Variants in NPM1 observed in about 807,000 individuals in gnomAD.
The protein encoded by NPM1 is nucleophosmin 1.
Under a neutral mutation model 44.1 loss-of-function variants are expected in NPM1, and 1 was observed. The ratio of observed to expected loss-of-function variants is 0.02; its 90% CI spans 0.01 to 0.11. The LOEUF (loss-of-function observed/expected upper bound fraction) is 0.11, where lower values mean the gene tolerates loss of function less well. NPM1 is among the 10% of genes least tolerant of loss of function. NPM1 has a pLI of 1.00. For synonymous variants in NPM1, 126 were observed against 111.8 expected (o/e 1.13, Z -0.80); for missense variants, 197 against 347.8 (o/e 0.57, Z 3.45).
intron 10 of NPM1, among the ~76,000 whole-genome samples, chr5:171,408,370 G>A (rs1424688034): frequency 1.3e-5 from 2 of 152,178 alleles, no homozygotes; most frequent in African/African-American, 4.8e-5. Context: ...TAAGGACAAT[G>A]TAAAAGTGGT....
rs572300584 is a variant in NPM1 at position 171,391,478 on chromosome 5, G to T, written c.258+54G>T. Reference sequence around the variant, plus strand: ...GTGTCAAGGTTTAATTCTGTTTTAAGGTAGGTTTGGTGTCATTTAGTTGTG... The same window carrying T: ...GTGTCAAGGTTTAATTCTGTTTTAATGTAGGTTTGGTGTCATTTAGTTGTG... On this transcript the variant is annotated intron_variant, in intron 3 of 10. Coordinates refer to ENST00000296930, the MANE Select transcript of NPM1 (RefSeq NM_002520.7). The T allele has an allele frequency of 3.8e-6, 6 of 1,594,066 alleles. No homozygotes were observed. In the East Asian group the frequency reaches 8.9e-5, roughly 24 times the overall value.
At chr5:171,397,942 C>G (rs1000206771) in intron 6 of NPM1, among the ~76,000 whole-genome samples, 3 of 151,288 alleles carry the variant, frequency 2.0e-5, no homozygotes, top group African/African-American at 4.9e-5. Context: ...GGCACCCCCC[C>G]CACCACGCCC....
At chr5:171,403,669 G>C (rs1362891378) in intron 8 of NPM1, among the ~76,000 whole-genome samples, 1 of 144,194 alleles carries the variant, frequency 6.9e-6, no homozygotes, top group African/African-American at 2.5e-5. Flanking sequence ...CGGACGGGGC[G>C]GCTGGCCAGG....
At chr5:171,387,847 T>G (rs1376806870), upstream of NPM1, 1 of 1,110,680 alleles carries the variant, frequency 9.0e-7, no homozygotes, top group Non-Finnish European at 1.4e-6. Context: ...GGAGCCTGCG[T>G]CCTTTCCCTG....
intron 8 of NPM1, among the ~76,000 whole-genome samples, chr5:171,401,946 T>A (rs1445150569): frequency 1.3e-5 from 2 of 151,960 alleles, no homozygotes; most frequent in African/African-American, 4.8e-5. Context: ...GGAACCCCAG[T>A]ACTTGTGCTC....
At chr5:171,391,962 G>T (rs1043155496) in intron 4 of NPM1, among the ~76,000 whole-genome samples, 163 bp downstream of exon 4, 2 of 126,730 alleles carry the variant, frequency 1.6e-5, no homozygotes, top group Admixed American at 1.5e-4. Flanking sequence ...TGGGGCGGGG[G>T]GGAGAGGAAA....
chr5:171,401,346 G>A (rs577488588), intron 8 of NPM1, among the ~76,000 whole-genome samples: 65 of 149,652 alleles, frequency 4.3e-4, no homozygotes, highest in Admixed American at 8.7e-4. Context: ...GCGAGACTCC[G>A]CCTCCAAAAA....
chr5:171,405,820 T>C (rs1167212722), intron 9 of NPM1: 1 of 205,640 alleles, frequency 4.9e-6, no homozygotes, highest in Non-Finnish European at 9.6e-6. Flanking sequence ...TTAATATTCA[T>C]GATTGACCCT....
chr5:171,395,010 A>G (rs1770808401), intron 6 of NPM1, among the ~76,000 whole-genome samples: 2 of 151,308 alleles, frequency 1.3e-5, no homozygotes, highest in South Asian at 4.2e-4. Context: ...GAAACCCGGT[A>G]TCTACTAAAA....
At chr5:171,407,337 CAAAGGGATGTTATGGGTTGT>C in intron 9 of NPM1, among the ~76,000 whole-genome samples, 1 of 152,214 alleles carries the variant, frequency 6.6e-6, no homozygotes, top group East Asian at 1.9e-4. Flanking sequence ...CATGGTTCTC[CAAAGGGATGTTATGGGTTGT>C]ATTTGGTTCT....
upstream of NPM1, chr5:171,387,755 G>C (rs541595379): frequency 4.6e-4 from 286 of 626,086 alleles, 1 homozygote; most frequent in South Asian, 1.3e-3. Context: ...CGGTACGGGG[G>C]TGGGAGGGCT....
intron 6 of NPM1, among the ~76,000 whole-genome samples, chr5:171,397,955 C>T (rs1360731284): frequency 1.3e-5 from 2 of 150,176 alleles, no homozygotes; most frequent in African/African-American, 4.9e-5. Flanking sequence ...CCACGCCCGG[C>T]TAATTTTCTG....
chr5:171,394,796 C>CA (rs1770793367), intron 6 of NPM1, among the ~76,000 whole-genome samples: 2 of 152,176 alleles, frequency 1.3e-5, no homozygotes, highest in South Asian at 4.1e-4. Context: ...GGCTCGGGGA[C>CA]AAGCAATCCC....
rs1770323545 is a variant in NPM1, at chr5:171,387,891, G to A, written c.-58G>A. ...CCGTCCTGCGCGGTTGTTCTCTGGA[G>A]CAGCGTTCTTTTATCTCCGTCCGCC... On this transcript the variant is annotated 5_prime_UTR_variant, in exon 1 of 11. Coordinates refer to ENST00000296930, the MANE Select transcript of NPM1 (RefSeq NM_002520.7). The A allele has an allele frequency of 3.9e-6, 6 of 1,533,034 alleles. No homozygotes were observed. The highest frequency in any genetic ancestry group is 2.3e-4 in the Middle Eastern group (1 of 4,294). The allele number at this position is 1,533,034 out of a possible 1,614,324, so 95.0% of individuals were successfully genotyped here. A position where few individuals can be genotyped will look rare whatever the true frequency, so the allele number is the denominator to read the frequency against.
chr5:171,392,958 T>G lies in NPM1; in HGVS notation c.504T>G (p.Asp168Glu). The G allele has an allele frequency of 3.7e-6, 6 of 1,608,974 alleles. No individual in the cohort carries two copies. Among genetic ancestry groups the G allele is most frequent in the Non-Finnish European group, 5.1e-6 (6 of 1,175,524 alleles). Residue 168 changes from aspartate to glutamate, a missense_variant, in exon 6 of 11, where the codon GAT becomes GAG. Transcript: ENST00000296930. ...LAADEDDDDD[D>E]EEDDDEDDDD... ...CTGATGAAGATGATGACGATGATGA[T>G]GAAGAGGATGATGATGAAGAGTAAG...
intron 3 of NPM1, 87 bp from the exon 4 acceptor site, chr5:171,391,618 GT>G: frequency 8.8e-7 from 1 of 1,142,114 alleles, no homozygotes; most frequent in Non-Finnish European, 1.3e-6. Context: ...AGGTTCACTG[GT>G]TTGTTGATTT....
chr5:171,399,003 AC>A (rs1467867654), intron 6 of NPM1, among the ~76,000 whole-genome samples: 1 of 151,978 alleles, frequency 6.6e-6, no homozygotes, highest in African/African-American at 2.4e-5. Context: ...GGCGCCCGCC[AC>A]CATGCCCGGC....
intron 6 of NPM1, among the ~76,000 whole-genome samples, chr5:171,395,876 C>CTATGTGTATAGTGCTGATG (rs1409853999): frequency 1.3e-5 from 2 of 151,778 alleles, no homozygotes; most frequent in Non-Finnish European, 2.9e-5. Context: ...CTGATGTATA[C>CTATGTGTATAGTGCTGATG]TATACATAGA....
intron 1 of NPM1, 32 bp downstream of exon 1, chr5:171,388,038 AGCGGGGCCTG>A (rs747158973): frequency 2.1e-6 from 2 of 942,286 alleles, no homozygotes; most frequent in Non-Finnish European, 3.2e-6. Flanking sequence ...AGCGAGGCCG[AGCGGGGCCTG>A]GTGGCGGTGA....
Sources: allele counts gnomAD v4.1 joint callset (sites outside exome capture counted in the v4.1 genomes callset), GRCh38; gene constraint gnomAD v4.1.1; transcripts MANE v1.5; gene names NCBI Gene and HGNC (gene_info 2026-07-23, HGNC 2026-07-21).